Variants in RRM2 observed in about 807,000 individuals in gnomAD.
RRM2 encodes ribonucleotide reductase regulatory subunit M2.
RRM2 carries 6 observed loss-of-function variants against 45.9 expected under a neutral mutation model. That is an observed-to-expected ratio of 0.13 (90% CI 0.07 to 0.26). The LOEUF is 0.26. RRM2 is among the 10% of genes least tolerant of loss of function. The pLI, the probability that RRM2 is intolerant of heterozygous loss-of-function variation, is 1.00. For synonymous variants in RRM2, 177 were observed against 173.0 expected, an observed-to-expected ratio of 1.02 and a Z score of -0.18; for missense variants, 343 against 489.5, an observed-to-expected ratio of 0.70 and a Z score of 2.82.
intron 3 of RRM2, among the ~76,000 whole-genome samples, chr2:10,175,837 C>T (rs1031543952): frequency 1.3e-5 from 2 of 152,060 alleles, no homozygotes; most frequent in African/African-American, 2.4e-5. Flanking sequence ...AACACCTGAC[C>T]TCAAGTGATC....
At chr2:10,148,310 C>T (rs1461123810) in intron 3 of RRM2, among the ~76,000 whole-genome samples, 1 of 151,962 alleles carries the variant, frequency 6.6e-6, no homozygotes, top group Non-Finnish European at 1.5e-5. Flanking sequence ...AGATTCATTG[C>T]TCACTGTCAG....
At chr2:10,160,460 C>T (rs1214450753) in intron 3 of RRM2, among the ~76,000 whole-genome samples, 4 of 152,192 alleles carry the variant, frequency 2.6e-5, no homozygotes, top group Non-Finnish European at 4.4e-5. Context: ...GCAAATCGAC[C>T]GAAGGTGCCT....
At chr2:10,158,316 C>G (rs975543324) in intron 3 of RRM2, among the ~76,000 whole-genome samples, 1 of 152,164 alleles carries the variant, frequency 6.6e-6, no homozygotes, top group African/African-American at 2.4e-5. Flanking sequence ...CGCGAACTTC[C>G]TGCGCATCAT....
At chr2:10,189,457 T>C (rs866118002) in intron 3 of RRM2, among the ~76,000 whole-genome samples, 67 of 152,214 alleles carry the variant, frequency 4.4e-4, no homozygotes, top group African/African-American at 1.5e-3. Context: ...TTGGAGGTGA[T>C]GGTATTCCAG....
chr2:10,141,747 G>A (rs1392000436), intron 1 of RRM2: 17 of 1,476,632 alleles, frequency 1.2e-5, no homozygotes, highest in East Asian at 5.0e-5. Flanking sequence ...TTCCAAGCAC[G>A]GGAAACAGAG....
In RRM2 at chr2:10,123,799, T is replaced by G; in HGVS notation, c.382T>G (p.Ser128Ala). 6.2e-7 allele frequency: 1 copy of G among 1,613,164 alleles called. No individual in the cohort carries two copies. The highest frequency in any genetic ancestry group is 1.1e-5 in the South Asian group (1 of 91,060). ...SLKPEERYFI[S>A]HVLAFFAASD... ...GAAACCCGAGGAGAGATATTTTATA[T>G]CCCATGTTCTGGCTTTCTTTGCAGC... Residue 128 changes from serine (S) to alanine (A), a missense_variant, in exon 4 of 10, where the codon TCC (serine) becomes GCC (alanine). By Grantham distance (99) the Ser-to-Ala change is moderately conservative. Coordinates refer to ENST00000304567, the MANE Select transcript of RRM2 (RefSeq NM_001034.4).
At chr2:10,152,476 A>ATTTTTTTTTTTTTTTATTT (rs1663334314) in intron 3 of RRM2, among the ~76,000 whole-genome samples, 1 of 134,938 alleles carries the variant, frequency 7.4e-6, no homozygotes, top group South Asian at 2.3e-4. Flanking sequence ...TCTGTGTACT[A>ATTTTTTTTTTTTTTTATTT]TTTTTTTTTT....
intron 3 of RRM2, among the ~76,000 whole-genome samples, chr2:10,162,886 G>C (rs1663595422): frequency 6.6e-6 from 1 of 152,350 alleles, no homozygotes; most frequent in Non-Finnish European, 1.5e-5. Flanking sequence ...GCCTGCAGGG[G>C]CGGGGACCCC....
chr2:10,136,020 C>G (rs1485045562), downstream of RRM2, among the ~76,000 whole-genome samples: 1 of 152,050 alleles, frequency 6.6e-6, no homozygotes, highest in Non-Finnish European at 1.5e-5. Context: ...TGCTTTTATG[C>G]CAATTGCAGA....
chr2:10,139,493 T>C (rs1663043534), upstream of RRM2, among the ~76,000 whole-genome samples: 1 of 152,196 alleles, frequency 6.6e-6, no homozygotes, highest in Non-Finnish European at 1.5e-5. Flanking sequence ...CTTTTGCCAC[T>C]GTGAGCTGGT....
At position 10,123,491 on chromosome 2, in the gene RRM2, G is replaced by T. The variant is rs765066771; in HGVS notation, c.279G>T (p.Met93Ile). ...TCGAGTACCATGATATCTGGCAGAT[G>T]TATAAGAAGGCAGAGGCTTCCTTTT... ...FPIEYHDIWQ[M>I]YKKAEASFWT... is the part of the protein sequence containing the mutation. Residue 93 changes from methionine (M) to isoleucine (I), a missense_variant, in exon 3 of 10, where the codon ATG (methionine) becomes ATT (isoleucine). By Grantham distance (10) the Met-to-Ile change is conservative. Around this residue, in one of 2 missense-constraint regions of RRM2, gnomAD observed 212 missense variants for 368.1 expected, o/e 0.58. Coordinates refer to ENST00000304567, the MANE Select transcript of RRM2 (RefSeq NM_001034.4). 2 of 1,614,044 alleles carry T rather than the reference G, an allele frequency of 1.2e-6. No homozygotes were observed. The highest frequency in any genetic ancestry group is 1.7e-6 in the Non-Finnish European group (2 of 1,180,004).
intron 3 of RRM2, among the ~76,000 whole-genome samples, chr2:10,166,798 C>T (rs900041192): frequency 5.3e-5 from 8 of 152,186 alleles, no homozygotes; most frequent in Non-Finnish European, 8.8e-5. Context: ...CCTGCGTCCC[C>T]GCCTGTGTCC....
rs150847500 is a variant in RRM2 at position 10,160,900 on chromosome 2, C to G, written n.482+18525C>G. ...GCCTGCGCCCCTGCAGTGCTCCCAC[C>G]AGGCTTTCTGAAGCTGGCCTGGCCC... On this transcript the variant is annotated intron_variant and non_coding_transcript_variant, in intron 3 of 3. Transcript: ENST00000381786. Among the ~76,000 whole-genome samples the G allele has an allele frequency of 4.1e-3, 625 of 152,326 alleles. 4 individuals carry two copies. The highest frequency in any genetic ancestry group is 0.012 in the African/African-American group (486 of 41,574).
chr2:10,157,189 C>T (rs955188685), intron 3 of RRM2, among the ~76,000 whole-genome samples: 19 of 151,920 alleles, frequency 1.3e-4, no homozygotes, highest in East Asian at 9.7e-4. Flanking sequence ...CCACCGCGCC[C>T]GGCTAATTTT....
intron 3 of RRM2, among the ~76,000 whole-genome samples, chr2:10,154,329 T>G (rs1663378478): frequency 6.8e-6 from 1 of 147,720 alleles, no homozygotes; most frequent in South Asian, 2.1e-4. Context: ...ATACAAAAAT[T>G]AGCTGGGTGT....
intron 3 of RRM2, among the ~76,000 whole-genome samples, chr2:10,177,495 A>G (rs1486312729): frequency 6.6e-6 from 1 of 152,146 alleles, no homozygotes; most frequent in African/African-American, 2.4e-5. Context: ...ATATCATAAT[A>G]ACTATATTGA....
Position 10,172,295 on chromosome 2 carries a change from G to A in RRM2, n.482+29920G>A, listed in dbSNP as rs570868157. 7.2e-5 allele frequency among the ~76,000 whole-genome samples: 11 copies of A among 152,144 alleles called. No individual in the cohort carries two copies. The highest frequency in any genetic ancestry group is 1.3e-4 in the Admixed American group (2 of 15,278). On this transcript the variant is annotated intron_variant and non_coding_transcript_variant, in intron 3 of 3. Transcript: ENST00000381786. This position sits in a 1 kb window ranked among gnomAD's most constrained non-coding sequence, Gnocchi z 4.9. ...GATGAAGGAGGCTGGGGCTGGCACC[G>A]TGGTGGTCCCTGGGCTGTGCCTGTT... is the stretch of plus-strand genomic sequence containing the variant.
intron 3 of RRM2, among the ~76,000 whole-genome samples, chr2:10,151,895 G>A (rs1005096730): frequency 1.3e-5 from 2 of 152,054 alleles, no homozygotes; most frequent in Admixed American, 6.6e-5. Context: ...TTTTTTATAT[G>A]TACACCATCT....
At chr2:10,209,755 C>T (rs1275971208) in intron 3 of RRM2, among the ~76,000 whole-genome samples, 1 of 152,188 alleles carries the variant, frequency 6.6e-6, no homozygotes, top group Non-Finnish European at 1.5e-5. Context: ...ATAGATCCTC[C>T]CTGCATAGCC....
Sources: gnomAD v4.1 joint callset for allele counts (sites outside exome capture counted in the v4.1 genomes callset) on GRCh38, gnomAD v4.1.1 for gene constraint, gnomAD v4.1.1 regional missense constraint, Gnocchi (gnomAD v3.1) non-coding constraint, MANE v1.5 for transcripts, NCBI Gene and HGNC (gene_info 2026-07-23, HGNC 2026-07-21) for gene names.